Variants in SYTL5 observed in about 807,000 individuals in gnomAD.
SYTL5 encodes synaptotagmin-like protein 5.
In SYTL5, 34 loss-of-function variants were observed where a neutral mutation model predicts 55.9. The observed-to-expected ratio is 0.61, with a 90% CI of 0.46 to 0.81. The LOEUF is 0.81. Among genes scored for constraint, SYTL5 ranks in the 30% least tolerant of loss-of-function variants. SYTL5 has a pLI of 0.00. For missense variants in SYTL5, 637 were observed against 546.7 expected (o/e 1.17, Z -1.65); for synonymous variants, 221 against 188.7 (o/e 1.17, Z -1.40).
the SYTL5 span, among the ~76,000 whole-genome samples, chrX:37,900,388 A>G: frequency 2.7e-5 from 3 of 112,426 alleles, no homozygotes; most frequent in Admixed American, 2.8e-4. Flanking sequence ...AGTATGTCAG[A>G]TAGTGATAAG....
chrX:37,965,227 T>C, the SYTL5 span, among the ~76,000 whole-genome samples: 1 of 111,693 alleles, frequency 9.0e-6, no homozygotes, highest in Non-Finnish European at 1.9e-5. Context: ...CTAGTACTGC[T>C]TTTGCTGGAC....
chrX:38,077,815 A>G (rs1253101390), intron 6 of SYTL5, among the ~76,000 whole-genome samples: 1 of 112,249 alleles, frequency 8.9e-6, no homozygotes, highest in Non-Finnish European at 1.9e-5. Context: ...TCCTTGAAAT[A>G]GTTTCATTTG....
At chrX:37,912,926 T>A in the SYTL5 span, among the ~76,000 whole-genome samples, 3 of 111,958 alleles carry the variant, frequency 2.7e-5, no homozygotes, top group African/African-American at 9.7e-5. Context: ...ATAGTTTCTA[T>A]TTCCTGGCAT....
the SYTL5 span, among the ~76,000 whole-genome samples, chrX:37,904,565 T>G: frequency 2.7e-5 from 3 of 111,217 alleles, no homozygotes; most frequent in African/African-American, 9.8e-5. Flanking sequence ...AGGTCCTGGA[T>G]AGTAGACTTC....
the SYTL5 span, among the ~76,000 whole-genome samples, chrX:37,953,600 T>C: frequency 0.015 from 1,657 of 111,105 alleles, 16 homozygotes; most frequent in Middle Eastern, 0.032. Context: ...TCCAGATTCA[T>C]ATTCTATTAG....
At chrX:37,892,440 T>G in the SYTL5 span, among the ~76,000 whole-genome samples, 2 of 102,892 alleles carry the variant, frequency 1.9e-5, no homozygotes, top group African/African-American at 3.5e-5. Flanking sequence ...GCTATAAGTT[T>G]GAATAACACC....
chrX:37,966,312 C>A, the SYTL5 span, among the ~76,000 whole-genome samples: 1 of 110,771 alleles, frequency 9.0e-6, no homozygotes, highest in African/African-American at 3.3e-5. Flanking sequence ...TATCATAAGA[C>A]ATATTTAAAA....
At chrX:38,105,989 T>C (rs773912217) in intron 10 of SYTL5, among the ~76,000 whole-genome samples, 1 of 112,229 alleles carries the variant, frequency 8.9e-6, no homozygotes, top group Non-Finnish European at 1.9e-5. Flanking sequence ...GGTCATATAC[T>C]ACTCATGTAG....
At chrX:37,964,218 C>T in the SYTL5 span, among the ~76,000 whole-genome samples, 1 of 111,671 alleles carries the variant, frequency 9.0e-6, no homozygotes, top group African/African-American at 3.3e-5. Context: ...TAGAAGACAC[C>T]ATCTATGATC....
intron 13 of SYTL5, among the ~76,000 whole-genome samples, chrX:38,118,597 C>A (rs955483544): frequency 9.0e-6 from 1 of 111,515 alleles, no homozygotes; most frequent in African/African-American, 3.3e-5. Flanking sequence ...TCTGGGTGCA[C>A]GTGCACATTG....
chrX:38,011,052 G>A (rs1934161995), intron 1 of SYTL5, among the ~76,000 whole-genome samples: 1 of 111,878 alleles, frequency 8.9e-6, no homozygotes, highest in Non-Finnish European at 1.9e-5. Flanking sequence ...CAAGCACTGA[G>A]TGCTATCATA....
intron 9 of SYTL5, among the ~76,000 whole-genome samples, chrX:38,096,442 T>C (rs1374592190): frequency 1.8e-5 from 2 of 111,489 alleles, no homozygotes; most frequent in South Asian, 7.4e-4. Flanking sequence ...TGAGTGAAGG[T>C]TATGTCTAAG....
the SYTL5 span, among the ~76,000 whole-genome samples, chrX:37,919,822 CA>C: frequency 1.8e-5 from 2 of 112,251 alleles, no homozygotes; most frequent in Non-Finnish European, 1.9e-5. Context: ...ACTTAATAGG[CA>C]AAGCCATGCT....
At chrX:38,082,511 A>G (rs1936559931) in intron 6 of SYTL5, among the ~76,000 whole-genome samples, 1 of 112,657 alleles carries the variant, frequency 8.9e-6, no homozygotes, top group Non-Finnish European at 1.9e-5. Flanking sequence ...TATATGCCAG[A>G]TGGTAAATGT....
chrX:38,102,601 T>C (rs1203609291), intron 10 of SYTL5, among the ~76,000 whole-genome samples, 167 bp downstream of exon 10: 1 of 111,965 alleles, frequency 8.9e-6, no homozygotes, highest in Non-Finnish European at 1.9e-5. Context: ...TCAGTCTAAT[T>C]TGGTGTGGGT....
At chrX:38,100,969 G>C (rs760592524) in intron 9 of SYTL5, among the ~76,000 whole-genome samples, 11 of 111,075 alleles carry the variant, frequency 9.9e-5, no homozygotes, top group Middle Eastern at 9.2e-3. Flanking sequence ...AATGGATAAA[G>C]TTTTGGATAT....
chrX:38,079,983 A>C, intron 6 of SYTL5, among the ~76,000 whole-genome samples: 1 of 112,094 alleles, frequency 8.9e-6, no homozygotes, highest in Middle Eastern at 4.6e-3. Flanking sequence ...ACATCCTTAT[A>C]CTTAAAATTA....
the SYTL5 span, among the ~76,000 whole-genome samples, chrX:37,921,921 G>A: frequency 4.5e-5 from 5 of 111,920 alleles, no homozygotes; most frequent in African/African-American, 1.3e-4. Flanking sequence ...GGACGGAAAA[G>A]GAGTGAGTCA....
chrX:37,958,419 C>A, the SYTL5 span, among the ~76,000 whole-genome samples: 1 of 109,829 alleles, frequency 9.1e-6, no homozygotes, highest in Non-Finnish European at 1.9e-5. Context: ...GCCTCCAGTA[C>A]CATCATGGGG....
Sources: allele counts gnomAD v4.1 joint callset (sites outside exome capture counted in the v4.1 genomes callset), GRCh38; gene constraint gnomAD v4.1.1; transcripts MANE v1.5; gene names NCBI Gene and HGNC (gene_info 2026-07-23, HGNC 2026-07-21).